Variants in CDYL2 observed in about 807,000 individuals in gnomAD.
CDYL2 encodes chromodomain Y-like protein 2.
In CDYL2, 23 loss-of-function variants were observed where a neutral mutation model predicts 49.4. The observed-to-expected ratio is 0.47, with a 90% CI of 0.34 to 0.66. CDYL2 has a LOEUF of 0.66. Among genes scored for constraint, CDYL2 ranks in the 30% least tolerant of loss-of-function variants. The pLI, the probability that CDYL2 is intolerant of heterozygous loss-of-function variation, is 0.01. For synonymous variants in CDYL2, 360 were observed against 268.8 expected, an observed-to-expected ratio of 1.34 and a Z score of -3.32; for missense variants, 678 against 656.4, an observed-to-expected ratio of 1.03 and a Z score of -0.36.
chr16:80,723,796 G>A (rs1344405161), intron 1 of CDYL2, among the ~76,000 whole-genome samples: 1 of 152,028 alleles, frequency 6.6e-6, no homozygotes, highest in Non-Finnish European at 1.5e-5. Context: ...TTTACTCTCT[G>A]GCATTGGTAG....
At chr16:80,662,680 G>A (rs1268367923) in intron 2 of CDYL2, 1 of 453,484 alleles carries the variant, frequency 2.2e-6, no homozygotes, top group African/African-American at 2.0e-5. Flanking sequence ...ACAGTAGGTG[G>A]AATCCACATA....
At chr16:80,684,258 C>T (rs113978402) in intron 2 of CDYL2, among the ~76,000 whole-genome samples, 5 of 152,140 alleles carry the variant, frequency 3.3e-5, no homozygotes, top group Non-Finnish European at 5.9e-5. Context: ...GTTACCATGG[C>T]CTTGGGTGTC....
chr16:80,696,000 C>A (rs1038094007), intron 1 of CDYL2, among the ~76,000 whole-genome samples: 1 of 152,152 alleles, frequency 6.6e-6, no homozygotes, highest in South Asian at 2.1e-4. Flanking sequence ...ATACATCATG[C>A]CACAAAAGTC....
intron 1 of CDYL2, among the ~76,000 whole-genome samples, chr16:80,778,155 A>T (rs1907151240): frequency 6.6e-6 from 1 of 152,032 alleles, no homozygotes; most frequent in African/African-American, 2.4e-5. Flanking sequence ...AGCTGTAGAA[A>T]CTTTAACAGG....
chr16:80,741,284 T>C (rs886316810), intron 1 of CDYL2, among the ~76,000 whole-genome samples: 5 of 151,604 alleles, frequency 3.3e-5, no homozygotes, highest in Non-Finnish European at 7.4e-5. Context: ...AAAGGGAAAT[T>C]ATAAAATGCC....
chr16:80,710,029 G>C (rs773642297), intron 1 of CDYL2, among the ~76,000 whole-genome samples: 9 of 151,774 alleles, frequency 5.9e-5, no homozygotes, highest in East Asian at 1.9e-4. Flanking sequence ...CCTGTTTCAA[G>C]TGATTCTCCT....
intron 1 of CDYL2, among the ~76,000 whole-genome samples, chr16:80,770,127 G>A (rs376112583): frequency 6.6e-6 from 1 of 151,984 alleles, no homozygotes; most frequent in African/African-American, 2.4e-5. Context: ...AAAATGATAG[G>A]CAAAATGACA....
At chr16:80,708,814 A>T (rs1039503101) in intron 1 of CDYL2, among the ~76,000 whole-genome samples, 2 of 152,182 alleles carry the variant, frequency 1.3e-5, no homozygotes, top group African/African-American at 4.8e-5. Context: ...GGTTGTTCTC[A>T]GTTCCAAAGC....
At chr16:80,712,019 ATATATATGTGTG>A (rs1474036722) in intron 1 of CDYL2, among the ~76,000 whole-genome samples, 10 of 139,754 alleles carry the variant, frequency 7.2e-5, no homozygotes, top group African/African-American at 2.6e-4. Context: ...ATATGTGTGT[ATATATATGTGTG>A]TATATATATG....
At chr16:80,724,562 C>G (rs1196826867) in intron 1 of CDYL2, among the ~76,000 whole-genome samples, 1 of 152,202 alleles carries the variant, frequency 6.6e-6, no homozygotes, top group Non-Finnish European at 1.5e-5. Flanking sequence ...ACACACATGA[C>G]ACACATGTGG....
chr16:80,607,599 G>A (rs936021063), intron 6 of CDYL2, among the ~76,000 whole-genome samples: 3 of 152,226 alleles, frequency 2.0e-5, no homozygotes, highest in Non-Finnish European at 4.4e-5. Context: ...TGCCTCTGCA[G>A]AGGTGTTATT....
chr16:80,695,079 A>C (rs1484461284), intron 1 of CDYL2, among the ~76,000 whole-genome samples: 1 of 152,288 alleles, frequency 6.6e-6, no homozygotes, highest in Non-Finnish European at 1.5e-5. Context: ...CAGGTGAATT[A>C]ATCAGCAGTT....
At chr16:80,764,968 G>A (rs374528625) in intron 1 of CDYL2, among the ~76,000 whole-genome samples, 91 of 150,132 alleles carry the variant, frequency 6.1e-4, no homozygotes, top group African/African-American at 2.1e-3. Flanking sequence ...GCTGAGGCAG[G>A]AGAATGGCTT....
intron 1 of CDYL2, among the ~76,000 whole-genome samples, chr16:80,728,323 G>A (rs928216861): frequency 4.7e-4 from 72 of 152,198 alleles, no homozygotes; most frequent in African/African-American, 7.7e-4. Flanking sequence ...GAGCCGATGC[G>A]ATCAACTGGA....
chr16:80,674,990 G>C (rs77892039), intron 2 of CDYL2, among the ~76,000 whole-genome samples: 3,377 of 152,316 alleles, frequency 0.022, 46 homozygotes, highest in African/African-American at 0.038. Flanking sequence ...ATATGTGCAT[G>C]TGTATGTACA....
intron 1 of CDYL2, among the ~76,000 whole-genome samples, chr16:80,724,052 T>C (rs559250599): frequency 1.4e-3 from 141 of 101,212 alleles, no homozygotes; most frequent in Middle Eastern, 0.01. Flanking sequence ...AGAAAGAAGA[T>C]GAAGAGGAAG....
chr16:80,758,541 CTTTTTTTTTTTT>C (rs58565125), intron 1 of CDYL2, among the ~76,000 whole-genome samples: 1 of 117,096 alleles, frequency 8.5e-6, no homozygotes, highest in African/African-American at 3.2e-5. Context: ...TGCTGCAGCA[CTTTTTTTTTTTT>C]TTTTTTTTGT....
chr16:80,616,253 T>A (rs887580860), intron 4 of CDYL2, among the ~76,000 whole-genome samples: 2 of 152,156 alleles, frequency 1.3e-5, no homozygotes, highest in Non-Finnish European at 2.9e-5. Flanking sequence ...AAATCAATGA[T>A]GTTGCCCCAG....
intron 2 of CDYL2, among the ~76,000 whole-genome samples, chr16:80,662,235 G>A (rs867821771): frequency 6.6e-6 from 1 of 152,184 alleles, no homozygotes; most frequent in South Asian, 2.1e-4. Context: ...CCCAAGGAGA[G>A]AACACAGCGT....
Sources: allele counts gnomAD v4.1 joint callset (sites outside exome capture counted in the v4.1 genomes callset), GRCh38; gene constraint gnomAD v4.1.1; transcripts MANE v1.5; gene names NCBI Gene and HGNC (gene_info 2026-07-23, HGNC 2026-07-21).